Variants in NIBAN1 observed in about 807,000 individuals in gnomAD.
The protein encoded by NIBAN1 is protein Niban 1.
A neutral mutation model predicts 75.1 loss-of-function variants in NIBAN1; 81 were observed. That is an observed-to-expected ratio of 1.08 (90% CI 0.90 to 1.30). NIBAN1 has a LOEUF of 1.30. Among genes scored for constraint, NIBAN1 ranks in the 50% most tolerant of loss-of-function variants. NIBAN1 has a pLI of 0.00. For missense variants in NIBAN1, 1,133 were observed against 1,128.1 expected, an observed-to-expected ratio of 1.00 and a Z score of -0.06; for synonymous variants, 436 against 424.8, an observed-to-expected ratio of 1.03 and a Z score of -0.32.
At chr1:184,914,710 T>C (rs1657336993) in intron 1 of NIBAN1, among the ~76,000 whole-genome samples, 2 of 146,952 alleles carry the variant, frequency 1.4e-5, no homozygotes, top group African/African-American at 5.2e-5. Flanking sequence ...ATTAATGGTT[T>C]AGTTAACTTT....
At chr1:184,943,393 T>C (rs530075792) in intron 1 of NIBAN1, among the ~76,000 whole-genome samples, 3 of 152,334 alleles carry the variant, frequency 2.0e-5, no homozygotes, top group African/African-American at 7.2e-5. Context: ...GGGATTAATA[T>C]AGGCATCCGA....
At chr1:184,917,983 G>C (rs1259184991) in intron 1 of NIBAN1, among the ~76,000 whole-genome samples, 2 of 152,128 alleles carry the variant, frequency 1.3e-5, no homozygotes, top group African/African-American at 4.8e-5. Context: ...TGAACTGCCT[G>C]TACAACCCAA....
At chr1:184,941,375 T>C (rs1658083104) in intron 1 of NIBAN1, among the ~76,000 whole-genome samples, 1 of 152,080 alleles carries the variant, frequency 6.6e-6, no homozygotes, top group African/African-American at 2.4e-5. Context: ...GAGAGCCGGG[T>C]GCAGTGGTTC....
intron 9 of NIBAN1, 141 bp downstream of exon 9, chr1:184,818,497 G>T (rs1654600794): frequency 2.5e-6 from 2 of 795,608 alleles, no homozygotes; most frequent in Admixed American, 2.5e-5. Context: ...ACGGAAGAAA[G>T]GCTGGATGAA....
At chr1:184,816,826 TTTCTCAAAA>T (rs1654550176) in intron 9 of NIBAN1, among the ~76,000 whole-genome samples, 1 of 149,394 alleles carries the variant, frequency 6.7e-6, no homozygotes, top group Admixed American at 6.7e-5. Flanking sequence ...TTTTGGTCAT[TTTCTCAAAA>T]TTGAGAAAAT....
Position 184,823,286 on chromosome 1 carries a change from T to C in NIBAN1, c.866A>G (p.Glu289Gly). The C allele has an allele frequency of 6.2e-7, 1 of 1,614,176 alleles. No individual in the cohort carries two copies. Among genetic ancestry groups the C allele is most frequent in the Non-Finnish European group, 8.5e-7 (1 of 1,180,020 alleles). Residue 289 changes from glutamate (E) to glycine (G), a missense_variant, in exon 8 of 14, where the codon GAA (glutamate) becomes GGA (glycine). By Grantham distance (98) the Glu-to-Gly change is moderately conservative (BLOSUM62 -2). Coordinates refer to ENST00000367511, the MANE Select transcript of NIBAN1 (RefSeq NM_052966.4). ...AYTLVQHQVS[E>G]GLSALKEECR... is the part of the protein sequence containing the mutation. The stretch of plus-strand genomic sequence containing the variant: ...TTCCTCCTTCAAGGCACTTAATCCT[T>C]CTGAAACTTGATGCTGAACCAGGGT...
At chr1:184,892,329 A>G (rs1656688944) in intron 3 of NIBAN1, among the ~76,000 whole-genome samples, 1 of 152,196 alleles carries the variant, frequency 6.6e-6, no homozygotes, top group Non-Finnish European at 1.5e-5. Context: ...CAAGATTTAT[A>G]GCTTAGGCAA....
chr1:184,812,709 A>T (rs957819861), intron 9 of NIBAN1, among the ~76,000 whole-genome samples: 1 of 152,238 alleles, frequency 6.6e-6, no homozygotes, highest in Admixed American at 6.5e-5. Context: ...TTGCAAACTC[A>T]AAGTTAACTA....
intron 1 of NIBAN1, among the ~76,000 whole-genome samples, chr1:184,963,916 G>A (rs1054801645): frequency 2.0e-5 from 3 of 152,106 alleles, no homozygotes; most frequent in Non-Finnish European, 4.4e-5. Context: ...AATATGGAAG[G>A]ATAGCCTACA....
intron 5 of NIBAN1, among the ~76,000 whole-genome samples, chr1:184,858,819 T>G (rs1399385297): frequency 6.6e-6 from 1 of 152,058 alleles, no homozygotes; most frequent in Non-Finnish European, 1.5e-5. Context: ...TCATGTAGGG[T>G]GCAAACCACA....
chr1:184,802,431 C>T (rs1654070599), intron 12 of NIBAN1, among the ~76,000 whole-genome samples: 2 of 152,198 alleles, frequency 1.3e-5, no homozygotes, highest in African/African-American at 4.8e-5. Context: ...TGTGTGCAAA[C>T]CCACCTAGCA....
At chr1:184,950,926 T>C (rs190787527) in intron 1 of NIBAN1, among the ~76,000 whole-genome samples, 1 of 152,350 alleles carries the variant, frequency 6.6e-6, no homozygotes, top group East Asian at 1.9e-4. Context: ...TGCTCTTAAA[T>C]AGTAAGTGAT....
chr1:184,795,631 C>T lies in NIBAN1; in HGVS notation c.2133G>A (p.Ala711=), dbSNP rs766138222. 2.0e-5 allele frequency: 33 copies of T among 1,614,166 alleles called. No homozygotes were observed. Among genetic ancestry groups the T allele is most frequent in the South Asian group, 1.9e-4 (17 of 91,090 alleles). Residue 711 remains alanine (A), a synonymous_variant, in exon 14 of 14, where the codon GCG becomes GCA. Transcript: ENST00000367511. ...CGGACGCTGTCAGCAACTTTCTGAGCGCCTTCAAAGAACCCGAGGCAGTGA... is the reference window on the plus strand; with the variant it reads ...CGGACGCTGTCAGCAACTTTCTGAGTGCCTTCAAAGAACCCGAGGCAGTGA... The part of the protein sequence containing the change: ...EPITASGSLK[A]LRKLLTASVE...
intron 5 of NIBAN1, among the ~76,000 whole-genome samples, chr1:184,876,112 G>A (rs1305944517): frequency 6.6e-6 from 1 of 151,454 alleles, no homozygotes; most frequent in Non-Finnish European, 1.5e-5. Context: ...GGCAGAAGTT[G>A]CAGTGAGCCA....
chr1:184,937,124 A>T (rs78077553), intron 1 of NIBAN1, among the ~76,000 whole-genome samples: 3,010 of 142,702 alleles, frequency 0.021, 105 homozygotes, highest in African/African-American at 0.072. Flanking sequence ...TTCATTGCTG[A>T]CTTCTGTTAA....
At chr1:184,953,653 A>G (rs1308027756) in intron 1 of NIBAN1, among the ~76,000 whole-genome samples, 2 of 152,348 alleles carry the variant, frequency 1.3e-5, no homozygotes, top group East Asian at 3.9e-4. Flanking sequence ...TTTCTCAGAC[A>G]TCCACTGATG....
intron 1 of NIBAN1, among the ~76,000 whole-genome samples, chr1:184,949,447 T>G (rs1054668899): frequency 2.0e-5 from 3 of 152,250 alleles, no homozygotes; most frequent in African/African-American, 7.2e-5. Context: ...TATTGAGCCC[T>G]TATGAACACA....
chr1:184,855,598 C>T (rs1032159582), intron 5 of NIBAN1, among the ~76,000 whole-genome samples: 3 of 152,178 alleles, frequency 2.0e-5, no homozygotes, highest in Non-Finnish European at 4.4e-5. Flanking sequence ...TCAACCCCAG[C>T]ACTCCTGGAT....
At chr1:184,886,618 T>A (rs1656532644) in intron 4 of NIBAN1, among the ~76,000 whole-genome samples, 1 of 152,152 alleles carries the variant, frequency 6.6e-6, no homozygotes, top group East Asian at 1.9e-4. Context: ...TCCTATTACA[T>A]GATATTGCAC....
Sources: gnomAD v4.1 joint callset for allele counts (sites outside exome capture counted in the v4.1 genomes callset) on GRCh38, gnomAD v4.1.1 for gene constraint, MANE v1.5 for transcripts, NCBI Gene and HGNC (gene_info 2026-07-23, HGNC 2026-07-21) for gene names.